LRRC72: variants seen among roughly 807,000 people sequenced by gnomAD.
LRRC72 encodes leucine-rich repeat-containing protein 72.
A neutral mutation model predicts 35.8 loss-of-function variants in LRRC72; 41 were observed. The observed-to-expected ratio is 1.15, with a 90% confidence interval of 0.89 to 1.49. LRRC72 has a LOEUF of 1.49. LRRC72 is among the 40% of genes most tolerant of loss of function. The probability of loss-of-function intolerance (pLI) is 0.00; values close to 1 mark genes in which losing one functional copy is unlikely to be tolerated. For missense variants in LRRC72, 389 were observed against 330.7 expected (o/e 1.18, Z -1.37); for synonymous variants, 118 against 119.2 (o/e 0.99, Z 0.07).
chr7:16,548,348 T>C (rs1433457424), intron 3 of LRRC72, among the ~76,000 whole-genome samples: 1 of 152,150 alleles, frequency 6.6e-6, no homozygotes, highest in African/African-American at 2.4e-5. Flanking sequence ...ACCCCTTGCC[T>C]GCCACGTTGT....
intron 8 of LRRC72, among the ~76,000 whole-genome samples, chr7:16,580,874 T>G (rs1327924596): frequency 6.6e-6 from 1 of 152,190 alleles, no homozygotes; most frequent in East Asian, 1.9e-4. Context: ...CATTCTTTTT[T>G]TATTTTTTCA....
intron 3 of LRRC72, among the ~76,000 whole-genome samples, chr7:16,540,865 C>T (rs946369266): frequency 6.6e-6 from 1 of 152,218 alleles, no homozygotes; most frequent in East Asian, 1.9e-4. Context: ...TTAATTAAAC[C>T]TCTTTTCTTT....
chr7:16,573,816 A>G (rs1469163442), intron 7 of LRRC72, among the ~76,000 whole-genome samples: 2 of 152,250 alleles, frequency 1.3e-5, no homozygotes, highest in African/African-American at 4.8e-5. Context: ...ATCTAATTAA[A>G]CTAAAGAGCT....
intron 7 of LRRC72, among the ~76,000 whole-genome samples, chr7:16,568,974 C>G (rs1782896372): frequency 6.6e-6 from 1 of 152,096 alleles, no homozygotes; most frequent in Non-Finnish European, 1.5e-5. Flanking sequence ...AGAATGAGGA[C>G]AAAATTAAGA....
chr7:16,532,846 G>C, intron 2 of LRRC72: 2 of 459,628 alleles, frequency 4.4e-6, no homozygotes, highest in Non-Finnish European at 8.0e-6. Context: ...CTCACTATTA[G>C]GATTGTCAGA....
At chr7:16,561,254 G>A (rs2128337614) in intron 5 of LRRC72, among the ~76,000 whole-genome samples, 1 of 152,182 alleles carries the variant, frequency 6.6e-6, no homozygotes, top group East Asian at 1.9e-4. Context: ...AGAGTCGAAG[G>A]GGTCTAATGC....
Position 16,566,412 on chromosome 7 carries a change from C to T in LRRC72, c.517+10C>T. ...CTGCTTGACCGAAATCGTAAGGACC[C>T]TTCCTTCTTGCAAAGAAATATTTGA... On this transcript the variant is annotated intron_variant, in intron 6 of 8. Transcript: ENST00000401542. 6.6e-7 allele frequency: 1 copy of T among 1,517,068 alleles called. No homozygotes were observed. Among genetic ancestry groups the T allele is most frequent in the East Asian group, 2.5e-5 (1 of 40,350 alleles). 94.0% of individuals were successfully genotyped at this position (1,517,068 alleles called of 1,614,324 possible).
rs1193176349 is a variant in LRRC72, at chr7:16,527,062, C to T, written c.90+20C>T. 5 of 1,534,002 alleles carry T rather than the reference C, an allele frequency of 3.3e-6. No homozygotes were observed. The highest frequency in any genetic ancestry group is 4.4e-6 in the Non-Finnish European group (5 of 1,144,336). On this transcript the variant is annotated intron_variant, in intron 1 of 8. Transcript: ENST00000401542. The stretch of plus-strand genomic sequence containing the variant: ...CGCCGGGTAAGCGGCACCTGCCTTC[C>T]CAAGCCATCAGCCCCTTTGGCCCCC...
chr7:16,576,793 C>T (rs1453744078), intron 7 of LRRC72, among the ~76,000 whole-genome samples: 1 of 152,226 alleles, frequency 6.6e-6, no homozygotes, highest in Non-Finnish European at 1.5e-5. Flanking sequence ...ACCATGTTTG[C>T]TCAAGACAGA....
intron 3 of LRRC72, among the ~76,000 whole-genome samples, chr7:16,540,696 G>A (rs1782341831): frequency 6.6e-6 from 1 of 152,086 alleles, no homozygotes; most frequent in African/African-American, 2.4e-5. Flanking sequence ...TCTCATGATA[G>A]TGAATGAGTT....
At chr7:16,527,436 G>GTCT (rs1346436884) in intron 1 of LRRC72, among the ~76,000 whole-genome samples, 1 of 151,228 alleles carries the variant, frequency 6.6e-6, no homozygotes, top group Non-Finnish European at 1.5e-5. Flanking sequence ...AAATTTCGCA[G>GTCT]TCTTGATTCT....
intron 3 of LRRC72, among the ~76,000 whole-genome samples, chr7:16,541,234 T>A (rs1367744276): frequency 6.6e-6 from 1 of 152,240 alleles, no homozygotes; most frequent in East Asian, 1.9e-4. Context: ...AGCTTGTATT[T>A]GTTCATTATA....
intron 6 of LRRC72, 31 bp from the exon 7 acceptor site, chr7:16,567,360 A>AT: frequency 7.3e-7 from 1 of 1,366,754 alleles, no homozygotes; most frequent in Non-Finnish European, 9.7e-7. Flanking sequence ...TTATAATGTT[A>AT]TGCAATAACA....
intron 7 of LRRC72, among the ~76,000 whole-genome samples, chr7:16,569,978 C>T (rs762832840): frequency 7.3e-5 from 11 of 150,990 alleles, no homozygotes; most frequent in Admixed American, 3.3e-4. Context: ...TGCAGCGAGC[C>T]GAGATCACGC....
At chr7:16,565,220 G>A (rs1782807907) in intron 5 of LRRC72, among the ~76,000 whole-genome samples, 1 of 152,186 alleles carries the variant, frequency 6.6e-6, no homozygotes, top group Non-Finnish European at 1.5e-5. Context: ...GGATCACGAG[G>A]TCAGCAGTTC....
intron 4 of LRRC72, among the ~76,000 whole-genome samples, chr7:16,558,501 G>A (rs10231872): frequency 0.019 from 2,811 of 151,924 alleles, 89 homozygotes; most frequent in African/African-American, 0.064. Flanking sequence ...TCTCAGCTAC[G>A]TGGGAGGCTG....
chr7:16,534,574 T>C (rs1404416808), intron 2 of LRRC72, among the ~76,000 whole-genome samples: 1 of 152,026 alleles, frequency 6.6e-6, no homozygotes, highest in Non-Finnish European at 1.5e-5. Flanking sequence ...TACTTTAAAG[T>C]TTTAGTGTAT....
At chr7:16,551,213 C>A (rs1359587524) in intron 3 of LRRC72, among the ~76,000 whole-genome samples, 3 of 152,248 alleles carry the variant, frequency 2.0e-5, no homozygotes, top group South Asian at 2.1e-4. Context: ...ACACCAGAAC[C>A]AAATGGCCAC....
chr7:16,570,895 A>G (rs954982938), intron 7 of LRRC72, among the ~76,000 whole-genome samples: 2 of 152,098 alleles, frequency 1.3e-5, no homozygotes, highest in Admixed American at 6.5e-5. Flanking sequence ...TCAAACCAGA[A>G]TCTAGTCAAG....
Sources: allele counts gnomAD v4.1 joint callset (sites outside exome capture counted in the v4.1 genomes callset), GRCh38; gene constraint gnomAD v4.1.1; transcripts MANE v1.5; gene names NCBI Gene and HGNC (gene_info 2026-07-23, HGNC 2026-07-21).